CDH13: variants seen among roughly 807,000 people sequenced by gnomAD.
CDH13 encodes cadherin 13.
A neutral mutation model predicts 63.8 loss-of-function variants in CDH13; 24 were observed. The observed-to-expected ratio is 0.38, with a 90% CI of 0.27 to 0.53. The LOEUF is 0.53. Ranked by LOEUF, CDH13 falls within the 20% of genes least tolerant of loss-of-function variation. The probability of loss-of-function intolerance (pLI) is 0.85; values close to 1 mark genes in which losing one functional copy is unlikely to be tolerated. For synonymous variants in CDH13, 503 were observed against 355.3 expected, an observed-to-expected ratio of 1.42 and a Z score of -4.67; for missense variants, 1,049 against 903.1, an observed-to-expected ratio of 1.16 and a Z score of -2.07.
chr16:82,772,614 G>A (rs1401949479), intron 1 of CDH13, among the ~76,000 whole-genome samples: 1 of 152,196 alleles, frequency 6.6e-6, no homozygotes, highest in African/African-American at 2.4e-5. Flanking sequence ...TACTTGCACT[G>A]CCAGGCACTG....
chr16:83,665,822 G>A (rs1037854561), intron 8 of CDH13, among the ~76,000 whole-genome samples: 1 of 152,082 alleles, frequency 6.6e-6, no homozygotes, highest in Non-Finnish European at 1.5e-5. Context: ...TAATCTAAAG[G>A]TCAACTTTCT....
intron 3 of CDH13, among the ~76,000 whole-genome samples, chr16:83,038,676 G>A (rs957043742): frequency 2.0e-5 from 3 of 152,270 alleles, no homozygotes; most frequent in East Asian, 1.9e-4. Flanking sequence ...GCACACATGC[G>A]TGTTCGCCTT....
chr16:83,767,576 A>G (rs1324805085), intron 11 of CDH13, among the ~76,000 whole-genome samples: 1 of 152,220 alleles, frequency 6.6e-6, no homozygotes, highest in Non-Finnish European at 1.5e-5. Context: ...TATTCGTAAT[A>G]GACAAAAAGT....
chr16:82,836,123 TTTGC>T (rs916852801), intron 1 of CDH13, among the ~76,000 whole-genome samples: 19 of 152,082 alleles, frequency 1.2e-4, no homozygotes, highest in African/African-American at 3.4e-4. Context: ...TTGCATTTTG[TTTGC>T]TTGTTTTTGT....
chr16:82,737,751 A>G (rs559768002), intron 1 of CDH13, among the ~76,000 whole-genome samples: 2 of 152,298 alleles, frequency 1.3e-5, no homozygotes, highest in African/African-American at 4.8e-5. Flanking sequence ...CTCTTCCTCT[A>G]TAAACTCTAG....
chr16:83,746,543 G>A (rs372506454), intron 10 of CDH13, among the ~76,000 whole-genome samples: 5 of 152,058 alleles, frequency 3.3e-5, no homozygotes, highest in Admixed American at 1.3e-4. Context: ...GTGAAGACTC[G>A]GGGTTAACTT....
At chr16:83,234,451 A>G (rs1427690133) in intron 5 of CDH13, among the ~76,000 whole-genome samples, 2 of 152,124 alleles carry the variant, frequency 1.3e-5, no homozygotes, top group Non-Finnish European at 2.9e-5. Flanking sequence ...ATGGAGGGTA[A>G]TTGATAACGC....
intron 8 of CDH13, among the ~76,000 whole-genome samples, chr16:83,608,741 C>G (rs139246037): frequency 0.024 from 3,702 of 151,484 alleles, 72 homozygotes; most frequent in Non-Finnish European, 0.037. Context: ...CTATTGGGCC[C>G]AAGCAATCCA....
intron 6 of CDH13, among the ~76,000 whole-genome samples, chr16:83,380,204 T>C (rs1407186202): frequency 6.6e-6 from 1 of 151,744 alleles, no homozygotes; most frequent in Non-Finnish European, 1.5e-5. Context: ...GCTTTATCTG[T>C]AATATTTTAT....
At chr16:82,823,561 A>T (rs1363548717) in intron 1 of CDH13, 2 of 152,234 alleles carry the variant, frequency 1.3e-5, no homozygotes, top group East Asian at 3.8e-4. Flanking sequence ...ACCCCTAGTT[A>T]TTTTAAAACG....
At chr16:82,983,971 G>A (rs752069418) in intron 2 of CDH13, among the ~76,000 whole-genome samples, 1 of 152,178 alleles carries the variant, frequency 6.6e-6, no homozygotes, top group African/African-American at 2.4e-5. Flanking sequence ...AGGCATATCT[G>A]CCATAGATAC....
chr16:83,269,891 C>G (rs1438538687), intron 5 of CDH13, among the ~76,000 whole-genome samples: 2 of 152,104 alleles, frequency 1.3e-5, no homozygotes, highest in Non-Finnish European at 2.9e-5. Flanking sequence ...CCTCAAAGCC[C>G]CTAAAATGCA....
intron 3 of CDH13, among the ~76,000 whole-genome samples, chr16:83,122,328 C>A (rs2035619412): frequency 6.6e-6 from 1 of 152,124 alleles, no homozygotes; most frequent in South Asian, 2.1e-4. Context: ...AGGTCTCCAG[C>A]ATGTTTATTT....
chr16:83,679,854 T>C (rs1347404961), intron 10 of CDH13, among the ~76,000 whole-genome samples: 1 of 152,180 alleles, frequency 6.6e-6, no homozygotes, highest in African/African-American at 2.4e-5. Flanking sequence ...GGTTGATGTT[T>C]TGGACCCTGT....
chr16:83,050,485 C>G (rs1247004076), intron 3 of CDH13, among the ~76,000 whole-genome samples: 1 of 152,192 alleles, frequency 6.6e-6, no homozygotes, highest in African/African-American at 2.4e-5. Flanking sequence ...CCCACTCTTT[C>G]TGTATAGAAA....
intron 5 of CDH13, among the ~76,000 whole-genome samples, chr16:83,278,711 G>T: frequency 6.6e-6 from 1 of 152,196 alleles, no homozygotes; most frequent in East Asian, 1.9e-4. Flanking sequence ...CAGCAGAGAA[G>T]AGAAGGATAC....
chr16:83,556,074 A>C (rs1249315996), intron 7 of CDH13, among the ~76,000 whole-genome samples: 1 of 152,246 alleles, frequency 6.6e-6, no homozygotes, highest in African/African-American at 2.4e-5. Flanking sequence ...CTTTACAAAA[A>C]GACTTAATGA....
rs370027361 is a variant in CDH13 at position 83,217,513 on chromosome 16, C to A, written c.636+16C>A. 2.5e-6 allele frequency: 4 copies of A among 1,606,960 alleles called. No individual in the cohort carries two copies. Among genetic ancestry groups the A allele is most frequent in the African/African-American group, 1.3e-5 (1 of 74,744 alleles). Reference sequence around the variant, plus strand: ...TGTTTATCAAGTGAGTACCCCTCTCCCATGCCCACCCTGTGCGCAGAAATG... The same window carrying A: ...TGTTTATCAAGTGAGTACCCCTCTCACATGCCCACCCTGTGCGCAGAAATG... On this transcript the variant is annotated intron_variant, in intron 5 of 13. Coordinates refer to ENST00000567109, the MANE Select transcript of CDH13 (RefSeq NM_001257.5).
At chr16:83,322,039 G>A (rs1342777508) in intron 5 of CDH13, among the ~76,000 whole-genome samples, 2 of 152,208 alleles carry the variant, frequency 1.3e-5, no homozygotes, top group Non-Finnish European at 2.9e-5. Flanking sequence ...AGGGACTTCA[G>A]CAGGGCTGGC....
Sources: allele counts gnomAD v4.1 joint callset (sites outside exome capture counted in the v4.1 genomes callset), GRCh38; gene constraint gnomAD v4.1.1; transcripts MANE v1.5; gene names NCBI Gene and HGNC (gene_info 2026-07-23, HGNC 2026-07-21).